Variants in FAF1 observed in about 807,000 individuals in gnomAD.
FAF1 encodes the protein Fas associated factor 1.
Under a neutral mutation model 92.5 loss-of-function variants are expected in FAF1, and 25 were observed. That is an observed-to-expected ratio of 0.27 (90% CI 0.20 to 0.38). The LOEUF (loss-of-function observed/expected upper bound fraction) is 0.38, where lower values mean the gene tolerates loss of function less well. FAF1 is among the 10% of genes least tolerant of loss of function. FAF1 has a pLI of 1.00. For missense variants in FAF1, 636 were observed against 793.3 expected (o/e 0.80, Z 2.38); for synonymous variants, 234 against 273.2 (o/e 0.86, Z 1.42).
intron 1 of FAF1, among the ~76,000 whole-genome samples, chr1:50,953,444 A>T (rs1645237117): frequency 6.6e-6 from 1 of 151,828 alleles, no homozygotes; most frequent in Non-Finnish European, 1.5e-5. Context: ...AAGAAAAAAA[A>T]GAAAATTTGG....
At chr1:50,730,146 T>TC (rs2124471883) in intron 6 of FAF1, among the ~76,000 whole-genome samples, 1 of 152,304 alleles carries the variant, frequency 6.6e-6, no homozygotes. Flanking sequence ...TTAATAATTA[T>TC]CATTTTTTCA....
intron 6 of FAF1, among the ~76,000 whole-genome samples, chr1:50,732,246 T>C (rs1305684018): frequency 6.6e-6 from 1 of 151,910 alleles, no homozygotes; most frequent in Non-Finnish European, 1.5e-5. Context: ...GGCTAATTTT[T>C]TATATTTTTT....
Position 50,739,055 on chromosome 1 carries a change from T to C in FAF1, c.460-101A>G, listed in dbSNP as rs1290676850. 6 of 766,390 alleles carry C rather than the reference T, an allele frequency of 7.8e-6. No individual in the cohort carries two copies. The Admixed American group carries it at 9.1e-5, about 12-fold the overall frequency. The allele number at this position is 766,390 out of a possible 1,614,324, so 47.5% of individuals were successfully genotyped here. A position where few individuals can be genotyped will look rare whatever the true frequency, so the allele number is the denominator to read the frequency against. ...AAAAATTGTTAATTTTGTAGTTTTT[T>C]TTATCTTTTGATAATTTCCTAAATA... On this transcript the variant is annotated intron_variant, in intron 5 of 18. Coordinates refer to ENST00000396153, the MANE Select transcript of FAF1 (RefSeq NM_007051.3).
At chr1:50,678,456 T>C (rs1424969468) in intron 7 of FAF1, among the ~76,000 whole-genome samples, 2 of 152,176 alleles carry the variant, frequency 1.3e-5, no homozygotes, top group African/African-American at 4.8e-5. Flanking sequence ...CTCCAGATCT[T>C]TCTTCTGTGC....
chr1:50,669,278 T>TAAA (rs1557465669), intron 7 of FAF1, among the ~76,000 whole-genome samples: 1 of 152,106 alleles, frequency 6.6e-6, no homozygotes, highest in Non-Finnish European at 1.5e-5. Context: ...CATCTCTAAC[T>TAAA]ATGGAGGCTT....
At chr1:50,480,675 G>A (rs1415725617) in intron 17 of FAF1, among the ~76,000 whole-genome samples, 1 of 152,174 alleles carries the variant, frequency 6.6e-6, no homozygotes, top group Non-Finnish European at 1.5e-5. Context: ...GTCAACGATG[G>A]ACTGTATAAA....
intron 6 of FAF1, among the ~76,000 whole-genome samples, chr1:50,725,334 A>G (rs939849352): frequency 1.3e-5 from 2 of 151,842 alleles, no homozygotes; most frequent in African/African-American, 4.8e-5. Flanking sequence ...TTGACTTACT[A>G]CTCCTCAATT....
At chr1:50,715,829 A>T (rs1351420206) in intron 6 of FAF1, among the ~76,000 whole-genome samples, 1 of 152,202 alleles carries the variant, frequency 6.6e-6, no homozygotes, top group Non-Finnish European at 1.5e-5. Flanking sequence ...AAAAGGGGAA[A>T]ATTAGGTATA....
chr1:50,648,024 C>T (rs1470834416), intron 8 of FAF1, among the ~76,000 whole-genome samples: 5 of 151,890 alleles, frequency 3.3e-5, no homozygotes, highest in African/African-American at 9.7e-5. Context: ...TTTGGGAGGC[C>T]GAGGCAGGTG....
intron 17 of FAF1, among the ~76,000 whole-genome samples, chr1:50,481,242 TA>T (rs1646700831): frequency 6.6e-6 from 1 of 152,226 alleles, no homozygotes; most frequent in Admixed American, 6.5e-5. Flanking sequence ...ACAGTGATTA[TA>T]AAGTCCGCTG....
chr1:50,843,415 T>C (rs984312044), intron 2 of FAF1, among the ~76,000 whole-genome samples: 9 of 152,160 alleles, frequency 5.9e-5, no homozygotes, highest in African/African-American at 1.9e-4. Flanking sequence ...CAAATCTAGC[T>C]ATTTAAAAAT....
At chr1:50,939,235 T>C (rs959074207) in intron 1 of FAF1, among the ~76,000 whole-genome samples, 1 of 152,232 alleles carries the variant, frequency 6.6e-6, no homozygotes, top group African/African-American at 2.4e-5. Flanking sequence ...TCAACTTTGA[T>C]TTCTTTCAAC....
At chr1:50,865,071 A>G (rs539033673) in intron 1 of FAF1, among the ~76,000 whole-genome samples, 316 of 152,366 alleles carry the variant, frequency 2.1e-3, no homozygotes, top group South Asian at 6.4e-3. Flanking sequence ...TATGCAGCCA[A>G]AAAACACATG....
intron 1 of FAF1, among the ~76,000 whole-genome samples, chr1:50,864,494 A>G (rs1440518230): frequency 6.6e-6 from 1 of 152,084 alleles, no homozygotes; most frequent in Non-Finnish European, 1.5e-5. Flanking sequence ...AAACAGAGAT[A>G]TAGATCAATG....
intron 5 of FAF1, among the ~76,000 whole-genome samples, chr1:50,741,224 G>C (rs1458891800): frequency 6.6e-6 from 1 of 152,194 alleles, no homozygotes; most frequent in Non-Finnish European, 1.5e-5. Flanking sequence ...ATGAAAAAGA[G>C]ACACCCATGT....
chr1:50,828,376 C>G (rs1284571589), intron 2 of FAF1, among the ~76,000 whole-genome samples: 1 of 151,736 alleles, frequency 6.6e-6, no homozygotes, highest in African/African-American at 2.4e-5. Context: ...TCACGCCATT[C>G]TCCTGCCTCA....
intron 1 of FAF1, among the ~76,000 whole-genome samples, chr1:50,861,811 A>T (rs991696834): frequency 1.3e-5 from 2 of 151,748 alleles, no homozygotes; most frequent in African/African-American, 2.4e-5. Context: ...TAAAAAAAAA[A>T]TTTCTGTCTC....
At chr1:50,506,204 T>C (rs1453608078) in intron 15 of FAF1, among the ~76,000 whole-genome samples, 3 of 152,246 alleles carry the variant, frequency 2.0e-5, no homozygotes, top group Non-Finnish European at 2.9e-5. Context: ...GGCTTATATA[T>C]AGAACTTTAC....
chr1:50,437,599 T>C lies in FAF1; in HGVS notation c.*3841A>G, dbSNP rs1646138693. ...ATTTATTTTTTTAGAGACAGGGTCTTGGTATGTGGTCAGGGCTGGTCTTGA... is the reference window on the plus strand; with the variant it reads ...ATTTATTTTTTTAGAGACAGGGTCTCGGTATGTGGTCAGGGCTGGTCTTGA... On this transcript the variant is annotated 3_prime_UTR_variant, in exon 19 of 19. Transcript: ENST00000396153. 1 of 152,134 alleles carries C rather than the reference T, an allele frequency of 6.6e-6. No homozygotes were observed. The highest frequency in any genetic ancestry group is 6.6e-5 in the Admixed American group (1 of 15,266). The allele number at this position is 152,134 out of a possible 1,614,324, so 9.4% of individuals were successfully genotyped here. A position where few individuals can be genotyped will look rare whatever the true frequency, so the allele number is the denominator to read the frequency against.
Sources: allele counts gnomAD v4.1 joint callset (sites outside exome capture counted in the v4.1 genomes callset), GRCh38; gene constraint gnomAD v4.1.1; transcripts MANE v1.5; gene names NCBI Gene and HGNC (gene_info 2026-07-23, HGNC 2026-07-21).